Variants in MLLT3 observed in about 807,000 individuals in gnomAD.
MLLT3 encodes the protein protein AF-9.
MLLT3 carries 4 observed loss-of-function variants against 53.2 expected under a neutral mutation model. The ratio of observed to expected loss-of-function variants is 0.08; its 90% CI spans 0.04 to 0.17. The LOEUF (loss-of-function observed/expected upper bound fraction) is 0.17. Among genes scored for constraint, MLLT3 ranks in the 10% least tolerant of loss-of-function variants. The pLI is 1.00. For synonymous variants in MLLT3, 283 were observed against 230.6 expected (o/e 1.23, Z -2.06); for missense variants, 569 against 684.0 (o/e 0.83, Z 1.87).
At chr9:20,379,192 A>T (rs978878983) in intron 5 of MLLT3, among the ~76,000 whole-genome samples, 2 of 152,026 alleles carry the variant, frequency 1.3e-5, no homozygotes, top group Admixed American at 6.6e-5. Flanking sequence ...AGAACCTTTA[A>T]CATCTGCTCC....
chr9:20,503,508 T>G (rs1825300164), intron 2 of MLLT3, among the ~76,000 whole-genome samples: 1 of 152,146 alleles, frequency 6.6e-6, no homozygotes, highest in Admixed American at 6.5e-5. Flanking sequence ...AGAATGAAAT[T>G]CGACCCTTAC....
intron 4 of MLLT3, among the ~76,000 whole-genome samples, chr9:20,436,001 C>G (rs527634046): frequency 1.9e-4 from 29 of 152,212 alleles, no homozygotes; most frequent in African/African-American, 7.0e-4. Flanking sequence ...TAAACTAATT[C>G]TATTAAAGGG....
chr9:20,593,549 G>C (rs1415843207), intron 2 of MLLT3, among the ~76,000 whole-genome samples: 1 of 152,164 alleles, frequency 6.6e-6, no homozygotes, highest in East Asian at 1.9e-4. Flanking sequence ...AGTAAAAATA[G>C]GACACTGGAG....
intron 2 of MLLT3, among the ~76,000 whole-genome samples, chr9:20,588,162 C>T (rs1193082785): frequency 1.3e-5 from 2 of 151,924 alleles, no homozygotes; most frequent in Non-Finnish European, 2.9e-5. Flanking sequence ...AGATATGCGG[C>T]GTTATTTCTG....
intron 5 of MLLT3, among the ~76,000 whole-genome samples, chr9:20,395,854 G>A (rs1173407277): frequency 6.6e-6 from 1 of 152,124 alleles, no homozygotes; most frequent in Non-Finnish European, 1.5e-5. Context: ...TTAAGCTGTT[G>A]AAGAGCCAAC....
chr9:20,534,379 C>G (rs561232599), intron 2 of MLLT3, among the ~76,000 whole-genome samples: 31 of 152,236 alleles, frequency 2.0e-4, no homozygotes, highest in African/African-American at 7.0e-4. Flanking sequence ...TCCTATGGCC[C>G]TATTTTAATC....
chr9:20,372,998 T>C (rs1169231838), intron 5 of MLLT3, among the ~76,000 whole-genome samples: 1 of 152,200 alleles, frequency 6.6e-6, no homozygotes, highest in Non-Finnish European at 1.5e-5. Context: ...ATTACAATTG[T>C]CTGGAACCTA....
chr9:20,459,423 G>A (rs148649633), intron 2 of MLLT3, among the ~76,000 whole-genome samples: 1 of 152,224 alleles, frequency 6.6e-6, no homozygotes, highest in African/African-American at 2.4e-5. Context: ...CTCACTAAAC[G>A]CATTGAGCAG....
At position 20,346,395 on chromosome 9, in the gene MLLT3, C is replaced by A. The variant is rs552028867; in HGVS notation, c.*48G>T. The A allele has an allele frequency of 3.0e-3, 3,022 of 992,148 alleles. No individual in the cohort carries two copies. The highest frequency in any genetic ancestry group is 0.016 in the South Asian group (563 of 35,380). The allele number at this position is 992,148 out of a possible 1,614,324, so 61.5% of individuals were successfully genotyped here. A position where few individuals can be genotyped will look rare whatever the true frequency, so the allele number is the denominator to read the frequency against. ...AATCACAACCAAAAAAAAAAAAAAC[C>A]AAAAAAAAAAAACACAATAGTTCTT... On this transcript the variant is annotated 3_prime_UTR_variant, in exon 11 of 11. Transcript: ENST00000380338.
At chr9:20,596,444 C>G (rs991673833) in intron 2 of MLLT3, among the ~76,000 whole-genome samples, 1 of 152,212 alleles carries the variant, frequency 6.6e-6, no homozygotes, top group Non-Finnish European at 1.5e-5. Context: ...AATCCCAGCA[C>G]TTTGGGAGGC....
intron 7 of MLLT3, among the ~76,000 whole-genome samples, chr9:20,361,197 C>A (rs1328212478): frequency 2.6e-5 from 4 of 152,204 alleles, no homozygotes; most frequent in Non-Finnish European, 5.9e-5. Context: ...GTCATTTATT[C>A]ATTCATCTCC....
chr9:20,490,879 T>C (rs1372952346), intron 2 of MLLT3, among the ~76,000 whole-genome samples: 1 of 152,110 alleles, frequency 6.6e-6, no homozygotes, highest in East Asian at 1.9e-4. Flanking sequence ...ACACAGAATC[T>C]AGGATCTAGT....
chr9:20,576,852 A>C (rs565606416), intron 2 of MLLT3, among the ~76,000 whole-genome samples: 15 of 152,160 alleles, frequency 9.9e-5, no homozygotes, highest in African/African-American at 3.6e-4. Context: ...ACGAAAACAC[A>C]ATATCCAGCC....
chr9:20,553,651 A>G (rs1818982686), intron 2 of MLLT3, among the ~76,000 whole-genome samples: 1 of 152,140 alleles, frequency 6.6e-6, no homozygotes, highest in Non-Finnish European at 1.5e-5. Flanking sequence ...TCATCTCTAA[A>G]TATTATTCTA....
At chr9:20,535,200 C>T (rs1037332921) in intron 2 of MLLT3, among the ~76,000 whole-genome samples, 3 of 152,164 alleles carry the variant, frequency 2.0e-5, no homozygotes, top group African/African-American at 7.2e-5. Flanking sequence ...GAGTGTGAAA[C>T]CTCCTGTGAA....
chr9:20,619,445 C>T (rs1820931232), intron 2 of MLLT3, among the ~76,000 whole-genome samples: 1 of 152,226 alleles, frequency 6.6e-6, no homozygotes, highest in Admixed American at 6.5e-5. Context: ...CGACGCTTCT[C>T]CTTTCTTTAT....
intron 4 of MLLT3, among the ~76,000 whole-genome samples, chr9:20,434,361 A>G (rs1185597563): frequency 1.3e-5 from 2 of 152,184 alleles, no homozygotes; most frequent in Admixed American, 1.3e-4. Context: ...TTTGTACCAT[A>G]CTTGTATTAC....
intron 4 of MLLT3, among the ~76,000 whole-genome samples, chr9:20,422,938 A>G (rs1210531047): frequency 1.3e-5 from 2 of 152,202 alleles, no homozygotes; most frequent in African/African-American, 4.8e-5. Context: ...TAACTCAACA[A>G]TCTTGTGAAA....
chr9:20,356,055 A>C (rs2118616407), intron 8 of MLLT3, among the ~76,000 whole-genome samples: 1 of 152,338 alleles, frequency 6.6e-6, no homozygotes, highest in Non-Finnish European at 1.5e-5. Context: ...AGAGATGAAC[A>C]AGATAAGACC....
Sources: allele counts gnomAD v4.1 joint callset (sites outside exome capture counted in the v4.1 genomes callset), GRCh38; gene constraint gnomAD v4.1.1; transcripts MANE v1.5; gene names NCBI Gene and HGNC (gene_info 2026-07-23, HGNC 2026-07-21).